ZNF521: variants seen among roughly 807,000 people sequenced by gnomAD.
ZNF521 encodes the protein LYST-interacting protein 3.
ZNF521 carries 14 observed loss-of-function variants against 105.5 expected under a neutral mutation model. That is an observed-to-expected ratio of 0.13 (90% CI 0.09 to 0.21). ZNF521 has a LOEUF of 0.21. Among genes scored for constraint, ZNF521 ranks in the 10% least tolerant of loss-of-function variants. The probability of loss-of-function intolerance (pLI) is 1.00; values close to 1 mark genes in which losing one functional copy is unlikely to be tolerated. For missense variants in ZNF521, 1,233 were observed against 1,629.7 expected (o/e 0.76, Z 4.19); for synonymous variants, 635 against 606.0 (o/e 1.05, Z -0.70).
chr18:25,088,231 T>A (rs540249433), intron 7 of ZNF521, among the ~76,000 whole-genome samples: 2 of 152,152 alleles, frequency 1.3e-5, no homozygotes, highest in Non-Finnish European at 2.9e-5. Flanking sequence ...TTTTTTTTTT[T>A]TTGAGACAGA....
intron 2 of ZNF521, among the ~76,000 whole-genome samples, chr18:25,347,021 T>C (rs942924460): frequency 6.6e-6 from 1 of 152,144 alleles, no homozygotes; most frequent in Non-Finnish European, 1.5e-5. Context: ...TGTTTGTTAT[T>C]AGGTAAAATG....
chr18:25,131,981 G>C (rs2034649492), intron 5 of ZNF521, among the ~76,000 whole-genome samples: 1 of 152,134 alleles, frequency 6.6e-6, no homozygotes, highest in Non-Finnish European at 1.5e-5. Context: ...GAGCATGGCA[G>C]AAGCTAGAAA....
intron 5 of ZNF521, among the ~76,000 whole-genome samples, chr18:25,149,950 T>C (rs1196023583): frequency 1.3e-5 from 2 of 152,200 alleles, no homozygotes; most frequent in Non-Finnish European, 1.5e-5. Flanking sequence ...AACTTTTTTA[T>C]AACAGAGAGC....
chr18:25,129,990 T>C (rs1379693406), intron 5 of ZNF521, among the ~76,000 whole-genome samples: 3 of 152,158 alleles, frequency 2.0e-5, no homozygotes, highest in Non-Finnish European at 4.4e-5. Context: ...TCCTAGGTAT[T>C]TCCCCAAATG....
Position 25,179,097 on chromosome 18 carries a change from T to C in ZNF521, c.3658+16063A>G, listed in dbSNP as rs984649102. Among the ~76,000 whole-genome samples the C allele has an allele frequency of 6.9e-4, 54 of 77,790 alleles. No individual in the cohort carries two copies. In the Middle Eastern group the frequency reaches 0.028, roughly 41 times the overall value. The allele number at this position is 77,790 out of a possible 152,430, so 51.0% of individuals were successfully genotyped here. On this transcript the variant is annotated intron_variant, in intron 5 of 7. Coordinates refer to ENST00000361524, the MANE Select transcript of ZNF521 (RefSeq NM_015461.3). ...TTTGAAATGTATTTCTTATGACTTATACTTCTTTTTCTTTATTCCTTTTTT... is the reference window on the plus strand; with the variant it reads ...TTTGAAATGTATTTCTTATGACTTACACTTCTTTTTCTTTATTCCTTTTTT...
At chr18:25,332,047 G>A (rs894002714) in intron 2 of ZNF521, among the ~76,000 whole-genome samples, 9 of 147,974 alleles carry the variant, frequency 6.1e-5, no homozygotes, top group Non-Finnish European at 1.3e-4. Flanking sequence ...TTTCACCCAG[G>A]AACATGAAAA....
intron 3 of ZNF521, among the ~76,000 whole-genome samples, chr18:25,285,340 G>A (rs867165828): frequency 6.6e-6 from 1 of 152,256 alleles, no homozygotes; most frequent in Non-Finnish European, 1.5e-5. Flanking sequence ...AAGGAACCTC[G>A]GGGGACTCCA....
chr18:25,072,190 C>T (rs1424918951), intron 7 of ZNF521, among the ~76,000 whole-genome samples: 1 of 152,210 alleles, frequency 6.6e-6, no homozygotes, highest in African/African-American at 2.4e-5. Context: ...TGACCTTAGT[C>T]TAATGTGAGT....
At chr18:25,071,712 CA>C (rs2033228693) in intron 7 of ZNF521, among the ~76,000 whole-genome samples, 1 of 152,104 alleles carries the variant, frequency 6.6e-6, no homozygotes, top group African/African-American at 2.4e-5. Flanking sequence ...GGGTTGAAGC[CA>C]ACACTCAAGG....
chr18:25,233,870 G>A (rs1906701636), intron 3 of ZNF521, among the ~76,000 whole-genome samples: 1 of 152,258 alleles, frequency 6.6e-6, no homozygotes, highest in Admixed American at 6.5e-5. Context: ...AAGTATAAAT[G>A]TTTTGCTTGC....
chr18:25,145,709 A>G (rs10775514), intron 5 of ZNF521, among the ~76,000 whole-genome samples: 69,388 of 151,986 alleles, frequency 0.46, 16,059 homozygotes, highest in South Asian at 0.57. Flanking sequence ...AGAGTTAACA[A>G]GACTAAATAC....
rs113831148 is a variant in ZNF521, at chr18:25,146,783, A to T, written c.3658+48377T>A. On this transcript the variant is annotated intron_variant, in intron 5 of 7. Coordinates refer to ENST00000361524, the MANE Select transcript of ZNF521 (RefSeq NM_015461.3). ...TTGATGACTCGGTGGTATAAAATGC[A>T]TTGCTCTCCACTGTCTTCACAATTT... is the stretch of plus-strand genomic sequence containing the variant. Among the ~76,000 whole-genome samples, 62 of 151,904 alleles carry T rather than the reference A, an allele frequency of 4.1e-4. 1 individual carries two copies. Among genetic ancestry groups the T allele is most frequent in the East Asian group, 3.9e-3 (20 of 5,152 alleles).
rs28481514 is a variant in ZNF521, at chr18:25,236,348, T to C, written c.221-8651A>G. ...CCCAGGAGTTCGAGATCAGCCTGGA[T>C]AACATGGTGAAACCCCGTCTCTACT... On this transcript the variant is annotated intron_variant, in intron 3 of 7. Transcript: ENST00000361524. Among the ~76,000 whole-genome samples the C allele has an allele frequency of 1.6e-3, 248 of 152,162 alleles. 1 individual carries two copies. The highest frequency in any genetic ancestry group is 5.6e-3 in the African/African-American group (234 of 41,518).
At chr18:25,158,247 G>A (rs1196499301) in intron 5 of ZNF521, among the ~76,000 whole-genome samples, 1 of 151,972 alleles carries the variant, frequency 6.6e-6, no homozygotes, top group Non-Finnish European at 1.5e-5. Flanking sequence ...ATTGTATATA[G>A]TAAGATCATA....
intron 5 of ZNF521, among the ~76,000 whole-genome samples, chr18:25,102,370 G>A (rs1297837838): frequency 6.6e-6 from 1 of 151,978 alleles, no homozygotes; most frequent in Non-Finnish European, 1.5e-5. Context: ...AGCAAGCAAC[G>A]AGGAGAGTGG....
At chr18:25,204,762 T>C (rs2036050115) in intron 4 of ZNF521, among the ~76,000 whole-genome samples, 1 of 152,026 alleles carries the variant, frequency 6.6e-6, no homozygotes, top group African/African-American at 2.4e-5. Context: ...CCTTCACATT[T>C]TGGAGTCTCT....
At chr18:25,122,610 A>C (rs1190314186) in intron 5 of ZNF521, among the ~76,000 whole-genome samples, 4 of 152,192 alleles carry the variant, frequency 2.6e-5, no homozygotes, top group Admixed American at 6.5e-5. Flanking sequence ...TGAATTTCTA[A>C]TATAGATTTA....
intron 5 of ZNF521, among the ~76,000 whole-genome samples, chr18:25,094,719 G>A (rs1040774992): frequency 7.9e-5 from 12 of 152,052 alleles, no homozygotes; most frequent in African/African-American, 7.2e-5. Context: ...ATTATAAGAT[G>A]AGCAAAAGCC....
At chr18:25,119,344 T>A (rs34382132) in intron 5 of ZNF521, among the ~76,000 whole-genome samples, 29,719 of 152,132 alleles carry the variant, frequency 0.2, 2,947 homozygotes, top group Middle Eastern at 0.27. Context: ...CAGAACATTA[T>A]ACTCAACATC....
Sources: allele counts gnomAD v4.1 joint callset (sites outside exome capture counted in the v4.1 genomes callset), GRCh38; gene constraint gnomAD v4.1.1; transcripts MANE v1.5; gene names NCBI Gene and HGNC (gene_info 2026-07-23, HGNC 2026-07-21).